Variants in IQCM observed in about 807,000 individuals in gnomAD.
IQCM encodes IQ domain-containing protein M.
Under a neutral mutation model 57.6 loss-of-function variants are expected in IQCM, and 45 were observed. The ratio of observed to expected loss-of-function variants is 0.78; its 90% CI spans 0.62 to 1.00. The LOEUF is 1.00. Among genes scored for constraint, IQCM ranks in the 50% least tolerant of loss-of-function variants. The probability of loss-of-function intolerance (pLI) is 0.00; values close to 1 mark genes in which losing one functional copy is unlikely to be tolerated. For synonymous variants in IQCM, 148 were observed against 158.9 expected, an observed-to-expected ratio of 0.93 and a Z score of 0.51; for missense variants, 468 against 511.6, an observed-to-expected ratio of 0.91 and a Z score of 0.82.
chr4:149,640,552 T>A (rs1408563511), intron 7 of IQCM, among the ~76,000 whole-genome samples: 1 of 152,190 alleles, frequency 6.6e-6, no homozygotes, highest in Admixed American at 6.5e-5. Context: ...TTCTTCCTTA[T>A]CTTGCTTGAA....
intron 5 of IQCM, among the ~76,000 whole-genome samples, chr4:149,705,556 G>A (rs958760910): frequency 6.6e-5 from 10 of 151,454 alleles, no homozygotes; most frequent in East Asian, 1.9e-4. Flanking sequence ...TGCCATAAAC[G>A]TCAAAATAGG....
chr4:149,497,635 A>G (rs1018998421), intron 12 of IQCM, among the ~76,000 whole-genome samples: 1 of 151,986 alleles, frequency 6.6e-6, no homozygotes, highest in Non-Finnish European at 1.5e-5. Flanking sequence ...CCCTCCCACA[A>G]CACATGGGAA....
intron 8 of IQCM, among the ~76,000 whole-genome samples, chr4:149,614,875 T>C (rs578182385): frequency 6.6e-6 from 1 of 152,244 alleles, no homozygotes; most frequent in East Asian, 1.9e-4. Context: ...GTGGCAGAGC[T>C]CCTCCCAGTG....
intron 12 of IQCM, among the ~76,000 whole-genome samples, chr4:149,494,234 G>A (rs1503690): frequency 0.62 from 93,488 of 151,706 alleles, 29,674 homozygotes; most frequent in African/African-American, 0.77. Flanking sequence ...AGACATAAAT[G>A]CAAAGTAATC....
intron 8 of IQCM, among the ~76,000 whole-genome samples, chr4:149,609,020 A>G (rs1755041261): frequency 6.6e-6 from 1 of 151,810 alleles, no homozygotes; most frequent in African/African-American, 2.4e-5. Flanking sequence ...AAACAAAGAC[A>G]GAAGACCCAA....
chr4:149,769,808 G>T (rs1329356520), intron 2 of IQCM, among the ~76,000 whole-genome samples: 3 of 151,970 alleles, frequency 2.0e-5, no homozygotes, highest in Admixed American at 1.3e-4. Flanking sequence ...TAATAAAACT[G>T]CAAAGAGAAA....
chr4:149,619,366 C>G (rs1329373384), intron 8 of IQCM, among the ~76,000 whole-genome samples: 1 of 151,992 alleles, frequency 6.6e-6, no homozygotes, highest in Non-Finnish European at 1.5e-5. Context: ...GAAATGCTAT[C>G]TATTGTGTAC....
At chr4:149,573,337 A>C (rs898103728) in intron 9 of IQCM, among the ~76,000 whole-genome samples, 3 of 151,760 alleles carry the variant, frequency 2.0e-5, no homozygotes, top group Non-Finnish European at 4.4e-5. Context: ...TAGGAATCAC[A>C]ACAATTATTT....
chr4:149,810,732 G>A lies in IQCM; in HGVS notation c.-49+4579C>T, dbSNP rs148127312. On this transcript the variant is annotated intron_variant, in intron 2 of 13. Coordinates refer to ENST00000636793, the MANE Select transcript of IQCM (RefSeq NM_001363507.2). ...CCCAAATTGCTGGGATTACAGGCGTGAGCCACCATGCCCAGCCCAAAACAT... is the reference window on the plus strand; with the variant it reads ...CCCAAATTGCTGGGATTACAGGCGTAAGCCACCATGCCCAGCCCAAAACAT... Among the ~76,000 whole-genome samples the A allele has an allele frequency of 1.2e-3, 190 of 152,202 alleles. 1 individual carries two copies. Among genetic ancestry groups the A allele is most frequent in the Non-Finnish European group, 8.5e-4 (58 of 67,998 alleles).
intron 8 of IQCM, among the ~76,000 whole-genome samples, chr4:149,618,031 A>G: frequency 6.6e-6 from 1 of 152,224 alleles, no homozygotes; most frequent in South Asian, 2.1e-4. Flanking sequence ...GGAAGCAAAA[A>G]AGAGCCTGAA....
intron 13 of IQCM, among the ~76,000 whole-genome samples, chr4:149,411,240 G>T (rs1461242250): frequency 6.6e-6 from 1 of 151,948 alleles, no homozygotes; most frequent in Non-Finnish European, 1.5e-5. Flanking sequence ...ATTTTTACAT[G>T]ACTAATATTT....
intron 2 of IQCM, among the ~76,000 whole-genome samples, chr4:149,781,331 T>C (rs984415241): frequency 6.6e-6 from 1 of 152,182 alleles, no homozygotes; most frequent in Non-Finnish European, 1.5e-5. Context: ...CATGCTGTTT[T>C]GAGTAGCATG....
At chr4:149,752,121 T>C (rs1012691979) in intron 2 of IQCM, among the ~76,000 whole-genome samples, 6 of 152,128 alleles carry the variant, frequency 3.9e-5, no homozygotes, top group Admixed American at 1.3e-4. Flanking sequence ...AAAGCAAATA[T>C]TGTCCACAAT....
At chr4:149,483,339 T>C (rs1482597141) in intron 12 of IQCM, among the ~76,000 whole-genome samples, 1 of 151,882 alleles carries the variant, frequency 6.6e-6, no homozygotes, top group Non-Finnish European at 1.5e-5. Context: ...CTTGGTTTTC[T>C]AATTTTTAAA....
At chr4:149,799,478 AT>A (rs1287208213) in intron 2 of IQCM, among the ~76,000 whole-genome samples, 1 of 151,844 alleles carries the variant, frequency 6.6e-6, no homozygotes, top group Non-Finnish European at 1.5e-5. Context: ...AAGAAAAAAA[AT>A]AAAGATTAGA....
chr4:149,452,242 C>T (rs1268453650), intron 12 of IQCM, among the ~76,000 whole-genome samples: 1 of 151,352 alleles, frequency 6.6e-6, no homozygotes, highest in Admixed American at 6.6e-5. Context: ...TCAAAATACT[C>T]AATATTGTTA....
At chr4:149,785,745 G>A (rs142430150) in intron 2 of IQCM, among the ~76,000 whole-genome samples, 38 of 151,400 alleles carry the variant, frequency 2.5e-4, no homozygotes, top group African/African-American at 9.0e-4. Flanking sequence ...ATTGTAAATA[G>A]TTTAGGCTTT....
chr4:149,765,506 A>T (rs1489452250), intron 2 of IQCM, among the ~76,000 whole-genome samples: 1 of 152,090 alleles, frequency 6.6e-6, no homozygotes, highest in Non-Finnish European at 1.5e-5. Context: ...AACAGAAATT[A>T]TAGTTTCACT....
chr4:149,359,024 G>T (rs989372557), intron 13 of IQCM, among the ~76,000 whole-genome samples: 19 of 151,900 alleles, frequency 1.3e-4, no homozygotes, highest in African/African-American at 4.6e-4. Context: ...CTAAAGAAGG[G>T]GACATCAAGG....
Sources: allele counts gnomAD v4.1 joint callset (sites outside exome capture counted in the v4.1 genomes callset), GRCh38; gene constraint gnomAD v4.1.1; transcripts MANE v1.5; gene names NCBI Gene and HGNC (gene_info 2026-07-23, HGNC 2026-07-21).